The following AKR7A2 variants were observed in gnomAD, a reference collection of about 807,000 sequenced individuals.
The protein encoded by AKR7A2 is aldo-keto reductase family 7 member A2, also known as aflatoxin B1 aldehyde reductase member 2.
A neutral mutation model predicts 37.3 loss-of-function variants in AKR7A2; 29 were observed. That is an observed-to-expected ratio of 0.78 (90% CI 0.58 to 1.06). The LOEUF is 1.06. AKR7A2 is among the 50% of genes least tolerant of loss of function. The pLI, the probability that AKR7A2 is intolerant of heterozygous loss-of-function variation, is 0.00. For missense variants in AKR7A2, 529 were observed against 497.9 expected (o/e 1.06, Z -0.59); for synonymous variants, 228 against 217.8 (o/e 1.05, Z -0.41).
In AKR7A2 at chr1:19,312,070, G is replaced by T. The variant is rs1201045739; in HGVS notation, c.55C>A (p.Arg19Ser). ...GCGCGGGCCTCGGGCGGCGGAGAGC[G>T]AAGCGCGCAGTGGACGGCGGCGCGG... ...VSRAAVHCAL[R>S]SPPPEARALA... Residue 19 changes from arginine to serine, a missense_variant, in exon 1 of 7, where the codon CGC (arginine) becomes AGC (serine). Physicochemically the swap from Arg to Ser is moderately radical, Grantham distance 110. Transcript: ENST00000235835. 2 of 1,356,104 alleles carry T rather than the reference G, an allele frequency of 1.5e-6. No homozygotes were observed. Among genetic ancestry groups the T allele is most frequent in the Admixed American group, 3.9e-5 (1 of 25,856 alleles). 84.0% of individuals were successfully genotyped at this position (1,356,104 alleles called of 1,614,324 possible). A position where few individuals can be genotyped will look rare whatever the true frequency, so the allele number is the denominator to read the frequency against.
intron 6 of AKR7A2, 78 bp downstream of exon 6, chr1:19,305,940 A>G: frequency 6.2e-7 from 1 of 1,609,072 alleles, no homozygotes; most frequent in Non-Finnish European, 8.5e-7. Flanking sequence ...TCAGAAATCA[A>G]ATGCTTTGGG....
In AKR7A2 at chr1:19,306,126, G is replaced by A. The variant is rs765438721; in HGVS notation, c.810C>T (p.Phe270=). 13 of 1,614,106 alleles carry A rather than the reference G, an allele frequency of 8.1e-6. No homozygotes were observed. Among genetic ancestry groups the A allele is most frequent in the African/African-American group, 2.7e-5 (2 of 74,944 alleles). Residue 270 remains phenylalanine, a synonymous_variant, in exon 6 of 7, where the codon TTC becomes TTT. Transcript: ENST00000235835. ...CCTTCTCCACCAACGCAATGGCCTC[G>A]AAGTGGTGCTCCTTCCAGAAGCTGT... ...YRNRFWKEHH[F]EAIALVEKAL...
intron 5 of AKR7A2, 58 bp from the exon 6 acceptor site, chr1:19,306,205 G>T: frequency 6.2e-7 from 1 of 1,611,794 alleles, no homozygotes; most frequent in Non-Finnish European, 8.5e-7. Context: ...ACTGGGAGCC[G>T]CAACCAAATA....
At chr1:19,306,612 A>T (rs1481062027) in intron 5 of AKR7A2, among the ~76,000 whole-genome samples, 8 of 148,478 alleles carry the variant, frequency 5.4e-5, no homozygotes, top group South Asian at 2.1e-4. Flanking sequence ...ACTTTTTTGC[A>T]TTTTTTTTTT....
In AKR7A2 at chr1:19,308,465, A is replaced by G. The variant is rs756882557; in HGVS notation, c.476T>C (p.Leu159Pro). The change falls in exon 2 of 7, where the codon CTG becomes CCG. Residue 159 changes from leucine (L) to proline (P), a missense_variant. Leu to Pro is a moderately conservative substitution (Grantham distance 98). Coordinates refer to ENST00000235835, the MANE Select transcript of AKR7A2 (RefSeq NM_003689.4). ...GGAGGGCCCCCTCACCTCCTGGTGC[A>G]GCCGCTGGCAGGCATGCAGCGTCTC... The part of the protein sequence containing the change: ...VEETLHACQR[L>P]HQEGKFVELG... The G allele has an allele frequency of 6.2e-7, 1 of 1,613,846 alleles. No individual in the cohort carries two copies. The highest frequency in any genetic ancestry group is 1.1e-5 in the South Asian group (1 of 91,062).
intron 3 of AKR7A2, 21 bp from the exon 4 acceptor site, chr1:19,307,431 G>C: frequency 6.2e-7 from 1 of 1,613,584 alleles, no homozygotes. Flanking sequence ...AGGGACCCCG[G>C]GGACAGGGTG....
chr1:19,306,100 G>A lies in AKR7A2; in HGVS notation c.836C>T (p.Ala279Val). 1.2e-6 allele frequency: 2 copies of A among 1,614,208 alleles called. No homozygotes were observed. Among genetic ancestry groups the A allele is most frequent in the Middle Eastern group, 1.7e-4 (1 of 6,060 alleles). Residue 279 changes from alanine to valine, a missense_variant, in exon 6 of 7, where the codon GCC becomes GTC. Coordinates refer to ENST00000235835, the MANE Select transcript of AKR7A2 (RefSeq NM_003689.4). ...GCTGGCGCCATATGCGGCCTGCAGGGCCTTCTCCACCAACGCAATGGCCTC... is the reference window on the plus strand; with the variant it reads ...GCTGGCGCCATATGCGGCCTGCAGGACCTTCTCCACCAACGCAATGGCCTC... ...HFEAIALVEKALQAAYGASAP... is the reference protein window; with the variant it reads ...HFEAIALVEKVLQAAYGASAP...
At chr1:19,312,138 GCGCGTTGGGAGCCGGGGGCCC>G in exon 1 of AKR7A2, 1 of 1,264,482 alleles carries the variant, frequency 7.9e-7, no homozygotes, top group Non-Finnish European at 9.9e-7. Context: ...AGCGGCGCCT[GCGCGTTGGGAGCCGGGGGCCC>G]CGCCCATGCC....
chr1:19,308,439 C>G lies in AKR7A2; in HGVS notation c.486+16G>C. On this transcript the variant is annotated intron_variant, in intron 2 of 6. Transcript: ENST00000235835. Reference sequence around the variant, plus strand: ...GGAGCAGGAGCCCACCTTTGGAGCTCGGAGGGCCCCCTCACCTCCTGGTGC... The same window carrying G: ...GGAGCAGGAGCCCACCTTTGGAGCTGGGAGGGCCCCCTCACCTCCTGGTGC... 1 of 1,612,724 alleles carries G rather than the reference C, an allele frequency of 6.2e-7. No individual in the cohort carries two copies. Among genetic ancestry groups the G allele is most frequent in the Non-Finnish European group, 8.5e-7 (1 of 1,179,722 alleles).
intron 6 of AKR7A2, among the ~76,000 whole-genome samples, 194 bp from the exon 7 acceptor site, chr1:19,304,580 G>T (rs1179087936): frequency 1.3e-5 from 2 of 151,998 alleles, no homozygotes; most frequent in Non-Finnish European, 2.9e-5. Flanking sequence ...CCCTACTGCC[G>T]CACGACGCTT....
chr1:19,312,062 C>A lies in AKR7A2; in HGVS notation c.63G>T (p.Pro21=). The stretch of plus-strand genomic sequence containing the variant: ...TGGCGAGCGCGCGGGCCTCGGGCGG[C>A]GGAGAGCGAAGCGCGCAGTGGACGG... ...RAAVHCALRS[P]PPEARALAMS... is the part of the protein sequence containing the mutation. The change falls in exon 1 of 7, where the codon CCG becomes CCT. Residue 21 remains proline, a synonymous_variant. Transcript: ENST00000235835. The A allele has an allele frequency of 7.3e-7, 1 of 1,361,842 alleles. No individual in the cohort carries two copies. The highest frequency in any genetic ancestry group is 1.9e-5 in the South Asian group (1 of 53,782). The allele number at this position is 1,361,842 out of a possible 1,614,324, so 84.4% of individuals were successfully genotyped here.
At chr1:19,311,431 G>A (rs1246882089) in intron 1 of AKR7A2, among the ~76,000 whole-genome samples, 1 of 152,210 alleles carries the variant, frequency 6.6e-6, no homozygotes, top group Non-Finnish European at 1.5e-5. Flanking sequence ...GTTAAGAAAA[G>A]GCCAGGATGA....
chr1:19,307,542 G>C, intron 3 of AKR7A2, 132 bp from the exon 4 acceptor site: 4 of 961,144 alleles, frequency 4.2e-6, no homozygotes, highest in Non-Finnish European at 6.5e-6. Flanking sequence ...CTGTTAGTAG[G>C]GGATGGAGGG....
At chr1:19,303,721 T>TA (rs1170228970), downstream of AKR7A2, among the ~76,000 whole-genome samples, 1 of 152,188 alleles carries the variant, frequency 6.6e-6, no homozygotes, top group Non-Finnish European at 1.5e-5. Context: ...AACTCTGAAT[T>TA]AGAGAAAATG....
At chr1:19,305,978 C>G in intron 6 of AKR7A2, 40 bp downstream of exon 6, 2 of 1,613,092 alleles carry the variant, frequency 1.2e-6, no homozygotes, top group Non-Finnish European at 1.7e-6. Context: ...GCTGGTCCCC[C>G]TGGAAGGGAA....
intron 2 of AKR7A2, 75 bp from the exon 3 acceptor site, chr1:19,308,337 G>T: frequency 2.5e-6 from 4 of 1,602,400 alleles, no homozygotes; most frequent in Non-Finnish European, 3.4e-6. Flanking sequence ...GGGCCCCAGG[G>T]AATGGGGCTA....
At position 19,308,522 on chromosome 1, in the gene AKR7A2, A is replaced by G; in HGVS notation, c.419T>C (p.Leu140Pro). The G allele has an allele frequency of 1.2e-6, 2 of 1,614,182 alleles. No homozygotes were observed. Among genetic ancestry groups the G allele is most frequent in the Non-Finnish European group, 1.7e-6 (2 of 1,180,028 alleles). ...CGGGGTGCCGTGGTCAGGTGCGTGT[A>G]GGTAGAAGAGGTCCACTTGGGGACA... ...LQCPQVDLFY[L>P]HAPDHGTPVE... Residue 140 changes from leucine to proline, a missense_variant, in exon 2 of 7, where the codon CTA (leucine) becomes CCA (proline). Physicochemically the swap from Leu to Pro is moderately conservative, Grantham distance 98 (BLOSUM62 -3). Transcript: ENST00000235835.
At chr1:19,304,524 T>C in intron 6 of AKR7A2, 138 bp from the exon 7 acceptor site, 1 of 1,473,356 alleles carries the variant, frequency 6.8e-7, no homozygotes, top group Non-Finnish European at 9.4e-7. Context: ...GGACTTAAGG[T>C]GCCTTGGATA....
At chr1:19,307,213 C>T in intron 4 of AKR7A2, 101 bp downstream of exon 4, 3 of 1,598,026 alleles carry the variant, frequency 1.9e-6, no homozygotes, top group South Asian at 1.1e-5. Flanking sequence ...CTGAAGAACA[C>T]AGCCCAGCCT....
Sources: gnomAD v4.1 joint callset for allele counts (sites outside exome capture counted in the v4.1 genomes callset) on GRCh38, gnomAD v4.1.1 for gene constraint, MANE v1.5 for transcripts, NCBI Gene and HGNC (gene_info 2026-07-23, HGNC 2026-07-21) for gene names.